The following PCDHA1 variants were observed in gnomAD, a reference collection of about 807,000 sequenced individuals.
The protein encoded by PCDHA1 is protocadherin alpha 1.
A neutral mutation model predicts 61.3 loss-of-function variants in PCDHA1; 42 were observed. The ratio of observed to expected loss-of-function variants is 0.69; its 90% CI spans 0.54 to 0.89. The LOEUF (loss-of-function observed/expected upper bound fraction) is 0.89, where lower values mean the gene tolerates loss of function less well. Ranked by LOEUF, PCDHA1 falls within the 40% of genes least tolerant of loss-of-function variation. The pLI is 0.00. For missense variants in PCDHA1, 1,256 were observed against 1,235.3 expected, an observed-to-expected ratio of 1.02 and a Z score of -0.25; for synonymous variants, 610 against 553.8, an observed-to-expected ratio of 1.10 and a Z score of -1.43.
intron 1 of PCDHA1, among the ~76,000 whole-genome samples, chr5:140,906,717 T>G (rs566025860): frequency 6.6e-6 from 1 of 152,320 alleles, no homozygotes; most frequent in African/African-American, 2.4e-5. Context: ...CTGCCTGGAT[T>G]GTGCTGTTGT....
intron 1 of PCDHA1, chr5:140,930,019 T>G (rs1454076883): frequency 6.6e-6 from 1 of 152,222 alleles, no homozygotes; most frequent in Non-Finnish European, 1.5e-5. Context: ...GATAGCTCCA[T>G]AGCAGTGTTT....
In PCDHA1 at chr5:140,971,961, T is replaced by C. The variant is rs1412814726; in HGVS notation, c.2395-6988T>C. ...TGTATCCATCTGACTCCAAAAACTT[T>C]TTTTCAATACTATGAGTAGACAGAA... On this transcript the variant is annotated intron_variant, in intron 1 of 3. Transcript: ENST00000504120. 2.0e-5 allele frequency among the ~76,000 whole-genome samples: 3 copies of C among 152,144 alleles called. No homozygotes were observed. The East Asian group carries it at 5.8e-4, about 29-fold the overall frequency.
At chr5:140,905,092 CAGTCATGAA>C (rs1554191919) in intron 1 of PCDHA1, among the ~76,000 whole-genome samples, 5 of 152,092 alleles carry the variant, frequency 3.3e-5, no homozygotes, top group African/African-American at 1.2e-4. Flanking sequence ...TTTGGGTTCT[CAGTCATGAA>C]TTGTTTGCCT....
intron 1 of PCDHA1, among the ~76,000 whole-genome samples, chr5:140,920,075 G>T (rs190821804): frequency 6.6e-6 from 1 of 152,316 alleles, no homozygotes; most frequent in Admixed American, 6.5e-5. Flanking sequence ...GGCAGAAACA[G>T]ATTCTCCGTA....
intron 1 of PCDHA1, chr5:140,814,771 T>C (rs2126658465): frequency 6.6e-6 from 1 of 152,344 alleles, no homozygotes; most frequent in East Asian, 1.9e-4. Context: ...ATGTGGTCTG[T>C]TATTGGTTGA....
intron 1 of PCDHA1, chr5:140,875,168 G>A (rs1554167513): frequency 5.5e-6 from 2 of 364,784 alleles, no homozygotes; most frequent in African/African-American, 4.2e-5. Flanking sequence ...ACCCAAAGTC[G>A]AAACATTAGA....
intron 1 of PCDHA1, among the ~76,000 whole-genome samples, chr5:140,933,690 T>A (rs1382967033): frequency 1.3e-5 from 2 of 152,048 alleles, no homozygotes; most frequent in Non-Finnish European, 2.9e-5. Flanking sequence ...TTTTTCCTAT[T>A]CCTCGGACAC....
chr5:140,829,585 G>T (rs2150170592), intron 1 of PCDHA1: 20 of 1,612,244 alleles, frequency 1.2e-5, no homozygotes, highest in Non-Finnish European at 1.6e-5. Context: ...TGGAGCGGCG[G>T]GTGGGCGAGC....
chr5:140,928,592 T>G (rs781970359), intron 1 of PCDHA1: 1 of 1,614,178 alleles, frequency 6.2e-7, no homozygotes, highest in Non-Finnish European at 8.5e-7. Context: ...TCTGTCCCAG[T>G]GGAAATTGTG....
chr5:140,973,799 A>G (rs1470568019), intron 1 of PCDHA1, among the ~76,000 whole-genome samples: 1 of 152,254 alleles, frequency 6.6e-6, no homozygotes, highest in African/African-American at 2.4e-5. Flanking sequence ...CATGCTGTCT[A>G]CTTGACAGAA....
chr5:140,876,761 G>C (rs1554168887), intron 1 of PCDHA1: 2 of 1,614,238 alleles, frequency 1.2e-6, no homozygotes, highest in East Asian at 2.2e-5. Context: ...GCGCGGGATG[G>C]GGGCTCGCCT....
intron 1 of PCDHA1, among the ~76,000 whole-genome samples, chr5:140,789,028 T>C (rs1761508322): frequency 1.3e-5 from 2 of 152,262 alleles, no homozygotes; most frequent in South Asian, 2.1e-4. Context: ...TATGTTATCT[T>C]TTCTGGTGAA....
intron 1 of PCDHA1, chr5:140,803,097 AC>A (rs782102274): frequency 1.1e-5 from 17 of 1,613,696 alleles, no homozygotes; most frequent in Non-Finnish European, 5.1e-6. Flanking sequence ...GATCAGCACG[AC>A]CCGTGCCCTG....
intron 1 of PCDHA1, among the ~76,000 whole-genome samples, chr5:140,974,111 T>C (rs1475006775): frequency 2.0e-5 from 3 of 152,280 alleles, no homozygotes; most frequent in Non-Finnish European, 4.4e-5. Flanking sequence ...AAGTATTCTT[T>C]TGCAGTGTTT....
At chr5:141,006,774 A>G (rs1435816376) in intron 3 of PCDHA1, among the ~76,000 whole-genome samples, 8 of 152,172 alleles carry the variant, frequency 5.3e-5, no homozygotes, top group Admixed American at 3.3e-4. Flanking sequence ...AGAATAGAGA[A>G]AAATGAATAA....
At chr5:140,873,722 G>A (rs371744747) in intron 1 of PCDHA1, among the ~76,000 whole-genome samples, 2 of 152,198 alleles carry the variant, frequency 1.3e-5, no homozygotes, top group South Asian at 2.1e-4. Flanking sequence ...GTGCAGTGGC[G>A]CAATCTCAGC....
Position 140,982,346 on chromosome 5 carries a change from G to T in PCDHA1, c.2454-129G>T, listed in dbSNP as rs1484322650. On this transcript the variant is annotated intron_variant, in intron 2 of 3. Coordinates refer to ENST00000504120, the MANE Select transcript of PCDHA1 (RefSeq NM_018900.4). ...TGACTGCTCAGCAGTAATTGCTTCA[G>T]TTCAAGCATGAGCAGAATGTGTTAG... 2.7e-6 allele frequency: 4 copies of T among 1,492,344 alleles called. No homozygotes were observed. The Admixed American group carries it at 8.5e-5, about 32-fold the overall frequency. The allele number at this position is 1,492,344 out of a possible 1,614,324, so 92.4% of individuals were successfully genotyped here. A position where few individuals can be genotyped will look rare whatever the true frequency, so the allele number is the denominator to read the frequency against.
At chr5:140,999,486 A>G (rs1282748321) in intron 3 of PCDHA1, among the ~76,000 whole-genome samples, 1 of 152,144 alleles carries the variant, frequency 6.6e-6, no homozygotes, top group Non-Finnish European at 1.5e-5. Context: ...ACTCAAGTCT[A>G]TGTTACCCAA....
chr5:140,787,889 C>A lies in PCDHA1; in HGVS notation c.1599C>A (p.Phe533Leu), dbSNP rs997247708. The A allele has an allele frequency of 3.7e-6, 6 of 1,613,294 alleles. No homozygotes were observed. The highest frequency in any genetic ancestry group is 5.1e-6 in the Non-Finnish European group (6 of 1,179,820). ...LDHEELELLQ[F>L]QVSARDAGVP... Reference sequence around the variant, plus strand: ...ACGAGGAGCTGGAGCTGCTGCAGTTCCAGGTGAGCGCGCGGGATGCGGGCG... The same window carrying A: ...ACGAGGAGCTGGAGCTGCTGCAGTTACAGGTGAGCGCGCGGGATGCGGGCG... The change falls in exon 1 of 4, where the codon TTC becomes TTA. Residue 533 changes from phenylalanine (F) to leucine (L), a missense_variant. By Grantham distance (22) the Phe-to-Leu change is conservative. Coordinates refer to ENST00000504120, the MANE Select transcript of PCDHA1 (RefSeq NM_018900.4).
Sources: allele counts gnomAD v4.1 joint callset (sites outside exome capture counted in the v4.1 genomes callset), GRCh38; gene constraint gnomAD v4.1.1; transcripts MANE v1.5; gene names NCBI Gene and HGNC (gene_info 2026-07-23, HGNC 2026-07-21).